Variants in KIF3A observed in about 807,000 individuals in gnomAD.
KIF3A encodes the protein kinesin-like protein KIF3A.
A neutral mutation model predicts 92.6 loss-of-function variants in KIF3A; 27 were observed. The observed-to-expected ratio is 0.29, with a 90% CI of 0.21 to 0.40. The LOEUF (loss-of-function observed/expected upper bound fraction) is 0.40, where lower values mean the gene tolerates loss of function less well. KIF3A is among the 10% of genes least tolerant of loss of function. The probability of loss-of-function intolerance (pLI) is 1.00; values close to 1 mark genes in which losing one functional copy is unlikely to be tolerated. For missense variants in KIF3A, 581 were observed against 872.6 expected (o/e 0.67, Z 4.21); for synonymous variants, 250 against 275.4 (o/e 0.91, Z 0.92).
chr5:132,715,088 A>G (rs1753572005), intron 8 of KIF3A, among the ~76,000 whole-genome samples: 1 of 152,158 alleles, frequency 6.6e-6, no homozygotes, highest in African/African-American at 2.4e-5. Flanking sequence ...CTTTGAAACC[A>G]AAGCCCTGTT....
intron 6 of KIF3A, 135 bp downstream of exon 6, chr5:132,716,710 T>C (rs1753637920): frequency 2.0e-6 from 2 of 1,002,696 alleles, no homozygotes; most frequent in African/African-American, 1.7e-5. Context: ...TGTTCCATAA[T>C]AAATAATAAA....
chr5:132,717,272 C>A (rs564174720), intron 5 of KIF3A, among the ~76,000 whole-genome samples: 172 of 152,184 alleles, frequency 1.1e-3, no homozygotes, highest in Non-Finnish European at 2.0e-3. Context: ...CACCAAAAAA[C>A]CACATTAATT....
rs114817490 is a variant in KIF3A at position 132,708,812 on chromosome 5, G to T, written c.1300+95C>A. 5.8e-3 allele frequency: 4,252 copies of T among 739,392 alleles called. 139 individuals carry two copies. The African/African-American group carries it at 0.061, about 11-fold the overall frequency. 45.8% of individuals were successfully genotyped at this position (739,392 alleles called of 1,614,324 possible). A position where few individuals can be genotyped will look rare whatever the true frequency, so the allele number is the denominator to read the frequency against. On this transcript the variant is annotated intron_variant, in intron 10 of 18. Transcript: ENST00000403231. ...GAGGAATCCAACATGTATTCTTTAGGTAATGACAGGGAGTGGTGCAGCATT... is the reference window on the plus strand; with the variant it reads ...GAGGAATCCAACATGTATTCTTTAGTTAATGACAGGGAGTGGTGCAGCATT...
At chr5:132,734,738 A>G (rs1302100364) in intron 1 of KIF3A, among the ~76,000 whole-genome samples, 1 of 152,232 alleles carries the variant, frequency 6.6e-6, no homozygotes, top group African/African-American at 2.4e-5. Flanking sequence ...AAGGCTGTAC[A>G]AGCAGAAACT....
At chr5:132,713,407 A>G (rs1164418083) in intron 8 of KIF3A, among the ~76,000 whole-genome samples, 3 of 152,232 alleles carry the variant, frequency 2.0e-5, no homozygotes, top group Non-Finnish European at 4.4e-5. Context: ...AAGGGTAGAT[A>G]GGAACTCTCC....
chr5:132,703,131 C>A, intron 12 of KIF3A, 66 bp from the exon 13 acceptor site: 3 of 1,388,362 alleles, frequency 2.2e-6, no homozygotes, highest in South Asian at 1.3e-5. Context: ...TATCATTTCC[C>A]AAAATTTAAA....
intron 11 of KIF3A, among the ~76,000 whole-genome samples, chr5:132,705,048 T>C (rs936247212): frequency 1.3e-5 from 2 of 151,930 alleles, no homozygotes; most frequent in Admixed American, 6.6e-5. Context: ...ATTCATGCTT[T>C]GGTGTGGTGT....
downstream of KIF3A, among the ~76,000 whole-genome samples, chr5:132,689,147 G>A (rs1290801574): frequency 3.3e-5 from 5 of 152,108 alleles, no homozygotes; most frequent in African/African-American, 9.7e-5. Context: ...TTCAACTTCC[G>A]AAAAAGGACT....
intron 2 of KIF3A, among the ~76,000 whole-genome samples, chr5:132,728,114 C>A (rs1044681838): frequency 1.3e-5 from 2 of 152,102 alleles, no homozygotes; most frequent in Non-Finnish European, 2.9e-5. Flanking sequence ...TCAGAATAGA[C>A]ACATTAAATT....
rs76048781 is a variant in KIF3A at position 132,720,843 on chromosome 5, C to T, written c.511-129G>A. 2.3e-3 allele frequency: 1,215 copies of T among 533,994 alleles called. 4 individuals are homozygous for T. The highest frequency in any genetic ancestry group is 0.019 in the African/African-American group (978 of 52,488). The allele number at this position is 533,994 out of a possible 1,614,324, so 33.1% of individuals were successfully genotyped here. On this transcript the variant is annotated intron_variant, in intron 4 of 18. Coordinates refer to ENST00000403231, the MANE Select transcript of KIF3A (RefSeq NM_001300791.2). ...TGATAAGATAGACACTGTTCCTACA[C>T]GCATGGAGATGTCTATAGGAAGAAC...
In KIF3A at chr5:132,719,503, T is replaced by C. The variant is rs149189369; in HGVS notation, c.616+1106A>G. 5.3e-3 allele frequency among the ~76,000 whole-genome samples: 808 copies of C among 152,038 alleles called. 1 individual carries two copies. Among genetic ancestry groups the C allele is most frequent in the African/African-American group, 0.018 (730 of 41,384 alleles). On this transcript the variant is annotated intron_variant, in intron 5 of 18. Transcript: ENST00000403231. ...TCATCTTTTACCTCTAATCCCTCTT[T>C]TTTTCTTTTTTTTTTGGTTGCTGTG...
At chr5:132,717,912 GAATTA>G (rs984689881) in intron 5 of KIF3A, among the ~76,000 whole-genome samples, 9 of 151,932 alleles carry the variant, frequency 5.9e-5, no homozygotes, top group African/African-American at 1.9e-4. Context: ...AACTACCTGA[GAATTA>G]AATTAATTTC....
At chr5:132,736,699 T>G in intron 1 of KIF3A, 1 of 421,046 alleles carries the variant, frequency 2.4e-6, no homozygotes, top group South Asian at 1.8e-5. Context: ...CCCCATGAGG[T>G]AAAGTTTACA....
chr5:132,709,789 AGC>A (rs559594569), intron 9 of KIF3A, among the ~76,000 whole-genome samples: 2 of 152,222 alleles, frequency 1.3e-5, no homozygotes, highest in Non-Finnish European at 2.9e-5. Flanking sequence ...TAAATAAATG[AGC>A]ATGGCTGTTT....
At chr5:132,725,921 A>C (rs553617069) in intron 4 of KIF3A, among the ~76,000 whole-genome samples, 78 of 152,262 alleles carry the variant, frequency 5.1e-4, no homozygotes, top group Non-Finnish European at 4.6e-4. Context: ...AGCAATATCA[A>C]ATTTACCAAT....
chr5:132,709,035 G>T, intron 9 of KIF3A, 57 bp from the exon 10 acceptor site: 1 of 1,287,994 alleles, frequency 7.8e-7, no homozygotes, highest in South Asian at 1.3e-5. Flanking sequence ...ACAAGAAAAT[G>T]AACACACACA....
At chr5:132,734,528 C>T (rs1581105100) in intron 1 of KIF3A, 50 bp from the exon 2 acceptor site, 1 of 1,511,210 alleles carries the variant, frequency 6.6e-7, no homozygotes, top group Non-Finnish European at 8.9e-7. Context: ...AATTTTTACC[C>T]TCATCAGATT....
In KIF3A at chr5:132,737,473, A is replaced by G. The variant is rs1429733653; in HGVS notation, c.-54T>C. 3 of 1,592,444 alleles carry G rather than the reference A, an allele frequency of 1.9e-6. No homozygotes were observed. Among genetic ancestry groups the G allele is most frequent in the African/African-American group, 1.4e-5 (1 of 73,588 alleles). ...TCCCCGCCCGGGGTGCAGCCCAGCG[A>G]CACCGGGTGCGCAGAAAGGATGGCC... On this transcript the variant is annotated 5_prime_UTR_variant, in exon 1 of 19. Transcript: ENST00000403231.
intron 8 of KIF3A, 147 bp downstream of exon 8, chr5:132,715,610 T>C (rs1035301568): frequency 1.7e-6 from 1 of 589,826 alleles, no homozygotes; most frequent in Non-Finnish European, 2.9e-6. Flanking sequence ...AGTATGTAAG[T>C]ACCAAGTCAC....
Sources: gnomAD v4.1 joint callset for allele counts (sites outside exome capture counted in the v4.1 genomes callset) on GRCh38, gnomAD v4.1.1 for gene constraint, MANE v1.5 for transcripts, NCBI Gene and HGNC (gene_info 2026-07-23, HGNC 2026-07-21) for gene names.